ILDR1: variants seen among roughly 807,000 people sequenced by gnomAD.
ILDR1 encodes immunoglobulin like domain containing receptor 1.
ILDR1 carries 56 observed loss-of-function variants against 62.4 expected under a neutral mutation model. The ratio of observed to expected loss-of-function variants is 0.90; its 90% confidence interval spans 0.72 to 1.12. The LOEUF (loss-of-function observed/expected upper bound fraction) is 1.12, where lower values mean the gene tolerates loss of function less well. Ranked by LOEUF, ILDR1 falls within the 50% of genes most tolerant of loss-of-function variation. ILDR1 has a pLI of 0.00. For missense variants in ILDR1, 736 were observed against 710.6 expected (o/e 1.04, Z -0.41); for synonymous variants, 284 against 277.8 (o/e 1.02, Z -0.22).
chr3:122,061,152 A>C, the ILDR1 span, among the ~76,000 whole-genome samples: 1 of 152,224 alleles, frequency 6.6e-6, no homozygotes, highest in African/African-American at 2.4e-5. Context: ...TAGTCAATAC[A>C]CGCCAGAAAA....
chr3:122,040,246 A>AT, the ILDR1 span, among the ~76,000 whole-genome samples: 2 of 152,024 alleles, frequency 1.3e-5, no homozygotes, highest in African/African-American at 2.4e-5. Context: ...CCAACTTAGT[A>AT]AAGTCAATTT....
At chr3:122,020,083 T>C (rs1175755148) in intron 1 of ILDR1, among the ~76,000 whole-genome samples, 1 of 152,232 alleles carries the variant, frequency 6.6e-6, no homozygotes, top group Non-Finnish European at 1.5e-5. Context: ...CACCTGTTAC[T>C]ATAGCTCACA....
At chr3:122,043,248 G>C in the ILDR1 span, among the ~76,000 whole-genome samples, 2 of 150,828 alleles carry the variant, frequency 1.3e-5, no homozygotes, top group Non-Finnish European at 2.9e-5. Context: ...TTATTTCTGA[G>C]GGCTCTGTTC....
chr3:122,029,707 G>A, the ILDR1 span, among the ~76,000 whole-genome samples: 2 of 151,710 alleles, frequency 1.3e-5, no homozygotes, highest in South Asian at 4.1e-4. Context: ...AAGATAGATG[G>A]TGCCTATTAT....
chr3:122,007,050 A>T lies in ILDR1; in HGVS notation c.170T>A (p.Val57Glu), dbSNP rs375914346. 60 of 1,613,896 alleles carry T rather than the reference A, an allele frequency of 3.7e-5. No individual in the cohort carries two copies. The highest frequency in any genetic ancestry group is 4.9e-5 in the Non-Finnish European group (58 of 1,180,024). ...GAAGGACTTGAAGCGCCATGTCACC[A>T]CCACGTCCTGGAGCTGGGCAGAGGT... Reference protein sequence around the residue: ...YTTSAQLQDVVVTWRFKSFCK... With the variant: ...YTTSAQLQDVEVTWRFKSFCK... The change falls in exon 2 of 8, where the codon GTG (valine) becomes GAG (glutamate). Residue 57 changes from valine (V) to glutamate (E), a missense_variant. Val to Glu is a moderately radical substitution (Grantham distance 121). Transcript: ENST00000344209.
intron 3 of ILDR1, among the ~76,000 whole-genome samples, chr3:122,004,623 C>T (rs908803388): frequency 9.2e-5 from 14 of 152,132 alleles, no homozygotes; most frequent in South Asian, 6.2e-4. Flanking sequence ...TCACATAGCG[C>T]GCTAGATATT....
the ILDR1 span, among the ~76,000 whole-genome samples, chr3:122,047,775 C>T: frequency 0.17 from 26,544 of 152,246 alleles, 2,483 homozygotes; most frequent in South Asian, 0.26. Context: ...CTTCGGCTTG[C>T]GCACAGTGCA....
the ILDR1 span, among the ~76,000 whole-genome samples, chr3:122,052,612 C>T: frequency 6.6e-6 from 1 of 152,174 alleles, no homozygotes; most frequent in Admixed American, 6.5e-5. Flanking sequence ...GTCGCTTCTT[C>T]GCCCAGGCTG....
intron 3 of ILDR1, among the ~76,000 whole-genome samples, chr3:122,002,313 T>C (rs564911625): frequency 2.0e-5 from 3 of 152,258 alleles, no homozygotes; most frequent in South Asian, 4.1e-4. Flanking sequence ...ACAATGCTCA[T>C]CAGAGGTAGG....
At chr3:121,989,867 G>A (rs2071313863) in intron 7 of ILDR1, among the ~76,000 whole-genome samples, 1 of 114,496 alleles carries the variant, frequency 8.7e-6, no homozygotes, top group Admixed American at 7.5e-5. Flanking sequence ...ATATCTATTT[G>A]TCAAATATTA....
At chr3:122,005,493 C>A in intron 2 of ILDR1, 100 bp from the exon 3 acceptor site, 3 of 1,297,500 alleles carry the variant, frequency 2.3e-6, no homozygotes, top group Middle Eastern at 2.1e-4. Flanking sequence ...TGAAGTGTCT[C>A]AATTTTTCCC....
At chr3:121,988,556 A>C (rs781118216) in intron 7 of ILDR1, 148 bp from the exon 8 acceptor site, 9 of 700,322 alleles carry the variant, frequency 1.3e-5, no homozygotes, top group Non-Finnish European at 2.3e-5. Context: ...GTATTTCTTT[A>C]CTCTTCATGA....
chr3:122,056,163 A>T, the ILDR1 span, among the ~76,000 whole-genome samples: 14 of 152,080 alleles, frequency 9.2e-5, no homozygotes, highest in Non-Finnish European at 1.8e-4. Context: ...ACTGTGGCTT[A>T]AAAAACTTGC....
chr3:122,016,599 T>C (rs922150842), intron 1 of ILDR1, among the ~76,000 whole-genome samples: 2 of 152,254 alleles, frequency 1.3e-5, no homozygotes, highest in African/African-American at 2.4e-5. Flanking sequence ...AATAAGACCA[T>C]GCCTGTATCT....
upstream of ILDR1, among the ~76,000 whole-genome samples, chr3:122,025,002 C>T (rs1002703239): frequency 9.2e-5 from 14 of 152,234 alleles, no homozygotes; most frequent in East Asian, 9.6e-4. Flanking sequence ...ATTCTTCCCA[C>T]ATGTGCCATT....
Position 121,993,226 on chromosome 3 carries a change from T to C in ILDR1, c.1523A>G (p.Lys508Arg). ...GSHSPHWPEE[K>R]PPSYRSLDIT... ...ATCAAGTGAGCGGTAGCTAGGCGGC[T>C]TCTCCTCGGGCCAGTGTGGGGAGTG... Residue 508 changes from lysine (K) to arginine (R), a missense_variant, in exon 7 of 8, where the codon AAG (lysine) becomes AGG (arginine). Lys to Arg is a conservative substitution (Grantham distance 26, BLOSUM62 2). Transcript: ENST00000344209. 2 of 1,614,038 alleles carry C rather than the reference T, an allele frequency of 1.2e-6. No homozygotes were observed. The highest frequency in any genetic ancestry group is 1.7e-6 in the Non-Finnish European group (2 of 1,179,962).
the ILDR1 span, among the ~76,000 whole-genome samples, chr3:122,027,902 C>T: frequency 6.6e-6 from 1 of 152,126 alleles, no homozygotes. Flanking sequence ...CCTTGACTCG[C>T]AATTAGCATC....
Position 122,001,463 on chromosome 3 carries a change from G to C in ILDR1, c.500-9C>G. 6.2e-7 allele frequency: 1 copy of C among 1,614,054 alleles called. No individual in the cohort carries two copies. The highest frequency in any genetic ancestry group is 8.5e-7 in the Non-Finnish European group (1 of 1,179,958). On this transcript the variant is annotated splice_polypyrimidine_tract_variant and intron_variant, in intron 4 of 7. Coordinates refer to ENST00000344209, the MANE Select transcript of ILDR1 (RefSeq NM_001199799.2). Reference sequence around the variant, plus strand: ...GATCACTGTCAGCCAGTCTGCAGGGGAGAAGCCAAGCAGGGGTTGAACTAA... The same window carrying C: ...GATCACTGTCAGCCAGTCTGCAGGGCAGAAGCCAAGCAGGGGTTGAACTAA...
chr3:121,995,299 G>A (rs748800395), intron 5 of ILDR1, among the ~76,000 whole-genome samples: 1 of 152,190 alleles, frequency 6.6e-6, no homozygotes, highest in Non-Finnish European at 1.5e-5. Flanking sequence ...GTGTGAACGA[G>A]GTTAGGCCCC....
Sources: allele counts gnomAD v4.1 joint callset (sites outside exome capture counted in the v4.1 genomes callset), GRCh38; gene constraint gnomAD v4.1.1; transcripts MANE v1.5; gene names NCBI Gene and HGNC (gene_info 2026-07-23, HGNC 2026-07-21).